Variants in TOP3A observed in about 807,000 individuals in gnomAD.
TOP3A encodes DNA topoisomerase III alpha, also known as DNA topoisomerase 3-alpha.
In TOP3A, 64 loss-of-function variants were observed where a neutral mutation model predicts 111.3. The observed-to-expected ratio is 0.57, with a 90% CI of 0.47 to 0.71. The LOEUF (loss-of-function observed/expected upper bound fraction) is 0.71. TOP3A is among the 30% of genes least tolerant of loss of function. The pLI, the probability that TOP3A is intolerant of heterozygous loss-of-function variation, is 0.00. For synonymous variants in TOP3A, 484 were observed against 485.1 expected (o/e 1.00, Z 0.03); for missense variants, 1,104 against 1,285.0 (o/e 0.86, Z 2.15).
rs1201291494 is a variant in TOP3A, at chr17:18,297,437, T to TCTCCCTCTCCCCAC, written c.990+2121_990+2122insGTGGGGAGAGGGAG. On this transcript the variant is annotated intron_variant, in intron 9 of 18. Transcript: ENST00000321105. ...CGAAACTGCGCCCTGTCCCTGTCCC[T>TCTCCCTCTCCCCAC]GTCCCTCTCCCTCTCCCCACGGTCT... Among the ~76,000 whole-genome samples the TCTCCCTCTCCCCAC allele has an allele frequency of 5.3e-5, 8 of 151,600 alleles. No homozygotes were observed. The South Asian group carries it at 6.2e-4, about 12-fold the overall frequency.
rs751157134 is a variant in TOP3A at position 18,308,574 on chromosome 17, CA to C, written c.241-151del. ...AACATAAATATAAGCTCTTCAAAGC[CA>C]AAAGTCACAGGAATACAATCACCAT... On this transcript the variant is annotated intron_variant, in intron 2 of 18. Coordinates refer to ENST00000321105, the MANE Select transcript of TOP3A (RefSeq NM_004618.5). 3.8e-5 allele frequency: 21 copies of C among 557,450 alleles called. No homozygotes were observed. In the Admixed American group the frequency reaches 5.2e-4, roughly 14 times the overall value. 34.5% of individuals were successfully genotyped at this position (557,450 alleles called of 1,614,324 possible). A position where few individuals can be genotyped will look rare whatever the true frequency, so the allele number is the denominator to read the frequency against.
At chr17:18,309,973 G>A (rs1377224500) in intron 1 of TOP3A, among the ~76,000 whole-genome samples, 3 of 151,324 alleles carry the variant, frequency 2.0e-5, no homozygotes, top group Non-Finnish European at 4.4e-5. Context: ...GCCTCCCAAA[G>A]TGCTGGGATT....
chr17:18,282,925 C>T (rs555652690), intron 15 of TOP3A, 84 bp from the exon 16 acceptor site: 8 of 1,551,564 alleles, frequency 5.2e-6, no homozygotes, highest in East Asian at 4.5e-5. Context: ...ACACAACAGG[C>T]GTGACCTTGA....
rs1171352228 is a variant in TOP3A, at chr17:18,282,836, T to C, written c.1883A>G (p.Asp628Gly). 3.7e-6 allele frequency: 6 copies of C among 1,614,020 alleles called. No individual in the cohort carries two copies. The East Asian group carries it at 1.1e-4, about 30-fold the overall frequency. Residue 628 changes from aspartate to glycine, a missense_variant, in exon 16 of 19, where the codon GAC becomes GGC. Physicochemically the swap from Asp to Gly is moderately conservative, Grantham distance 94 (BLOSUM62 -1). Coordinates refer to ENST00000321105, the MANE Select transcript of TOP3A (RefSeq NM_004618.5). The part of the protein sequence containing the change: ...IEAVAKAKKL[D>G]EALAQYFGNG... ...CCCAAAGTACTGGGCCAAGGCCTCG[T>C]CCAATCTGAAGAAAAGGCAAAGACA...
chr17:18,314,761 G>A lies in TOP3A; in HGVS notation c.18C>T (p.Ala6=), dbSNP rs1438528803. 6.4e-7 allele frequency: 1 copy of A among 1,555,024 alleles called. No homozygotes were observed. Among genetic ancestry groups the A allele is most frequent in the South Asian group, 1.2e-5 (1 of 84,864 alleles). Residue 6 remains alanine (A), a synonymous_variant, in exon 1 of 19, where the codon GCC becomes GCT. Coordinates refer to ENST00000321105, the MANE Select transcript of TOP3A (RefSeq NM_004618.5). The part of the protein sequence containing the change: MIFPV[A]RYALRWLRRP... ...GTCGCAGCCACCGGAGCGCGTAGCG[G>A]GCGACAGGAAAGATCATCCTCAGAC...
At chr17:18,306,604 T>C (rs981658848) in intron 4 of TOP3A, 2 of 276,734 alleles carry the variant, frequency 7.2e-6, no homozygotes, top group Middle Eastern at 1.2e-3. Flanking sequence ...CTGGAGTTCA[T>C]GTGATCCTGC....
chr17:18,274,814 A>G lies in TOP3A; in HGVS notation c.2994T>C (p.Pro998=), dbSNP rs1359748658. The change falls in exon 19 of 19, where the codon CCT becomes CCC. Residue 998 remains proline (P), a synonymous_variant. Transcript: ENST00000321105. ...HQPGHTRPFC[P]QNR ...CCCTACCCTGAGCTCATCTGTTCTG[A>G]GGACAAAAGGGACGGGTGTGTCCAG... The G allele has an allele frequency of 6.2e-7, 1 of 1,614,032 alleles. No individual in the cohort carries two copies. The highest frequency in any genetic ancestry group is 8.5e-7 in the Non-Finnish European group (1 of 1,180,018).
At chr17:18,295,164 T>C (rs1021013900) in intron 9 of TOP3A, among the ~76,000 whole-genome samples, 2 of 152,036 alleles carry the variant, frequency 1.3e-5, no homozygotes, top group Non-Finnish European at 2.9e-5. Flanking sequence ...TCCACATTTT[T>C]TTTTTTGAGA....
intron 18 of TOP3A, among the ~76,000 whole-genome samples, chr17:18,277,334 T>G (rs1202613480): frequency 1.3e-5 from 2 of 152,218 alleles, no homozygotes; most frequent in African/African-American, 4.8e-5. Context: ...CAATACCCAC[T>G]TCATGTGTCT....
Position 18,274,875 on chromosome 17 carries a change from G to A in TOP3A, c.2933C>T (p.Ala978Val), listed in dbSNP as rs1979233861. 6 of 1,614,204 alleles carry A rather than the reference G, an allele frequency of 3.7e-6. No individual in the cohort carries two copies. The highest frequency in any genetic ancestry group is 5.1e-6 in the Non-Finnish European group (6 of 1,180,048). Residue 978 changes from alanine to valine, a missense_variant, in exon 19 of 19, where the codon GCA (alanine) becomes GTA (valine). By Grantham distance (64) the Ala-to-Val change is moderately conservative. Coordinates refer to ENST00000321105, the MANE Select transcript of TOP3A (RefSeq NM_004618.5). ...AAGGCTGCATTTCCGGGGTTTCTTT[G>A]CTGTGGACCCCATGTCTGAGGAACT... ...RASSSDMGSTAKKPRKCSLCH... is the reference protein window; with the variant it reads ...RASSSDMGSTVKKPRKCSLCH...
chr17:18,284,174 AT>A (rs34810719), intron 15 of TOP3A, among the ~76,000 whole-genome samples: 1,499 of 126,766 alleles, frequency 0.012, 18 homozygotes, highest in African/African-American at 0.028. Flanking sequence ...TAATTTTTGT[AT>A]TTTTTTTTTT....
intron 1 of TOP3A, chr17:18,311,997 G>C (rs145449689): frequency 4.6e-4 from 70 of 152,424 alleles, no homozygotes; most frequent in African/African-American, 1.6e-3. Flanking sequence ...AATCCCATTT[G>C]AGAAAAGCCC....
At position 18,302,822 on chromosome 17, in the gene TOP3A, C is replaced by G. The variant is rs369822373; in HGVS notation, c.500-99G>C. ...TAAAGCCCCTTGAAATAAAGGCAAA[C>G]CAGTTCAAGAAGCTGTGAGATGACC... On this transcript the variant is annotated intron_variant, in intron 5 of 18. Coordinates refer to ENST00000321105, the MANE Select transcript of TOP3A (RefSeq NM_004618.5). The G allele has an allele frequency of 3.7e-4, 530 of 1,438,012 alleles. 8 individuals carry two copies. The South Asian group carries it at 6.8e-3, about 18-fold the overall frequency. 89.1% of individuals were successfully genotyped at this position (1,438,012 alleles called of 1,614,324 possible).
At chr17:18,288,149 A>ATATATATAT (rs1301508954) in intron 13 of TOP3A, among the ~76,000 whole-genome samples, 91 of 121,876 alleles carry the variant, frequency 7.5e-4, no homozygotes, top group African/African-American at 2.6e-3. Context: ...ATATATATAT[A>ATATATATAT]AATTTTTTTT....
intron 9 of TOP3A, among the ~76,000 whole-genome samples, chr17:18,298,959 T>C (rs1404898952): frequency 6.6e-6 from 1 of 151,326 alleles, no homozygotes; most frequent in Non-Finnish European, 1.5e-5. Context: ...CAGAGACCTT[T>C]GTTCACTTGT....
At chr17:18,275,866 A>G (rs1393734815) in intron 18 of TOP3A, among the ~76,000 whole-genome samples, 1 of 150,496 alleles carries the variant, frequency 6.6e-6, no homozygotes, top group Admixed American at 6.6e-5. Flanking sequence ...TGTGTTAGCC[A>G]GGATGGTCTC....
At chr17:18,308,563 C>T (rs1180377720) in intron 2 of TOP3A, 139 bp from the exon 3 acceptor site, 2 of 587,078 alleles carry the variant, frequency 3.4e-6, no homozygotes, top group Non-Finnish European at 5.9e-6. Context: ...TAAATATAAG[C>T]TCTTCAAAGC....
chr17:18,296,888 C>A lies in TOP3A; in HGVS notation c.991-2103G>T, dbSNP rs370221128. On this transcript the variant is annotated intron_variant, in intron 9 of 18. Coordinates refer to ENST00000321105, the MANE Select transcript of TOP3A (RefSeq NM_004618.5). ...TCTGGGGTCAAATAATTTGAGAAGCCCTGTTCTAAAGTAGGTTCATATAGC... is the reference window on the plus strand; with the variant it reads ...TCTGGGGTCAAATAATTTGAGAAGCACTGTTCTAAAGTAGGTTCATATAGC... Among the ~76,000 whole-genome samples the A allele has an allele frequency of 3.3e-5, 5 of 151,946 alleles. No homozygotes were observed. In the East Asian group the frequency reaches 5.8e-4, roughly 18 times the overall value.
intron 1 of TOP3A, chr17:18,311,784 T>C (rs1002411917): frequency 6.6e-6 from 1 of 152,240 alleles, no homozygotes; most frequent in Admixed American, 6.5e-5. Flanking sequence ...TCAAGTAGAA[T>C]AGAGTGCTAT....
Sources: gnomAD v4.1 joint callset for allele counts (sites outside exome capture counted in the v4.1 genomes callset) on GRCh38, gnomAD v4.1.1 for gene constraint, MANE v1.5 for transcripts, NCBI Gene and HGNC (gene_info 2026-07-23, HGNC 2026-07-21) for gene names.